TCAIM: variants seen among roughly 807,000 people sequenced by gnomAD.
TCAIM encodes T cell activation inhibitor, mitochondrial.
A neutral mutation model predicts 58.6 loss-of-function variants in TCAIM; 36 were observed. That is an observed-to-expected ratio of 0.61 (90% CI 0.47 to 0.81). The LOEUF is 0.81. Among genes scored for constraint, TCAIM ranks in the 30% least tolerant of loss-of-function variants. TCAIM has a pLI of 0.00. For synonymous variants in TCAIM, 172 were observed against 193.6 expected, an observed-to-expected ratio of 0.89 and a Z score of 0.93; for missense variants, 466 against 579.6, an observed-to-expected ratio of 0.80 and a Z score of 2.01.
At chr3:44,365,185 GC>G (rs1701354530) in intron 4 of TCAIM, among the ~76,000 whole-genome samples, 1 of 152,044 alleles carries the variant, frequency 6.6e-6, no homozygotes, top group Non-Finnish European at 1.5e-5. Context: ...TAATTCCCTT[GC>G]CAGTAGTTCT....
chr3:44,390,477 G>T (rs1486215874), intron 5 of TCAIM, among the ~76,000 whole-genome samples: 1 of 152,138 alleles, frequency 6.6e-6, no homozygotes, highest in East Asian at 1.9e-4. Context: ...TAAAAAATTA[G>T]GTGGGCATGG....
chr3:44,360,641 CA>C (rs1396448542), intron 3 of TCAIM, among the ~76,000 whole-genome samples: 2 of 150,366 alleles, frequency 1.3e-5, no homozygotes, highest in African/African-American at 4.9e-5. Context: ...CTTGCTCTGT[CA>C]CCCAGGCGGG....
At chr3:44,354,284 C>A (rs1320696100) in intron 1 of TCAIM, among the ~76,000 whole-genome samples, 1 of 152,184 alleles carries the variant, frequency 6.6e-6, no homozygotes, top group African/African-American at 2.4e-5. Flanking sequence ...TTCATTCTTT[C>A]ACCAACACCG....
chr3:44,381,146 C>A (rs942866909), intron 5 of TCAIM, among the ~76,000 whole-genome samples: 1 of 152,062 alleles, frequency 6.6e-6, no homozygotes, highest in Non-Finnish European at 1.5e-5. Flanking sequence ...TAAAGGCAGA[C>A]AAAGACACTA....
intron 1 of TCAIM, among the ~76,000 whole-genome samples, chr3:44,345,512 C>G (rs889877916): frequency 6.6e-6 from 1 of 152,110 alleles, no homozygotes; most frequent in African/African-American, 2.4e-5. Context: ...CAACACTCTT[C>G]GTTTAATATA....
intron 1 of TCAIM, among the ~76,000 whole-genome samples, chr3:44,351,857 C>T (rs558819734): frequency 3.3e-5 from 5 of 152,182 alleles, no homozygotes; most frequent in African/African-American, 1.2e-4. Flanking sequence ...ACTCTTGCCA[C>T]ATCAGTCAAC....
In TCAIM at chr3:44,386,209, CAAAAAAAAA is replaced by C. The variant is rs10576012; in HGVS notation, c.573-6631_573-6623del. ...GCCTGGGCAATAGAGCCAGAAGCTCCAAAAAAAAAAAAAAAAAAAAAAACACTTTAAAAT... is the reference window on the plus strand; with the variant it reads ...GCCTGGGCAATAGAGCCAGAAGCTCCAAAAAAAAAAAAAACACTTTAAAAT... On this transcript the variant is annotated intron_variant, in intron 5 of 10. Coordinates refer to ENST00000342649, the MANE Select transcript of TCAIM (RefSeq NM_173826.4). Among the ~76,000 whole-genome samples, 84 of 54,984 alleles carry C rather than the reference CAAAAAAAAA, an allele frequency of 1.5e-3. 1 individual carries two copies. In the East Asian group the frequency reaches 0.046, roughly 30 times the overall value. The allele number at this position is 54,984 out of a possible 152,430, so 36.1% of individuals were successfully genotyped here.
intron 6 of TCAIM, among the ~76,000 whole-genome samples, chr3:44,395,538 G>A (rs1701919825): frequency 6.6e-6 from 1 of 152,206 alleles, no homozygotes; most frequent in Non-Finnish European, 1.5e-5. Context: ...TGGGTTTTCT[G>A]ACAGCACTCG....
At chr3:44,357,918 G>T (rs777289588) in intron 3 of TCAIM, 42 bp downstream of exon 3, 1 of 1,598,740 alleles carries the variant, frequency 6.3e-7, no homozygotes, top group Non-Finnish European at 8.5e-7. Context: ...GTACATTTCT[G>T]CTTATTTACC....
chr3:44,347,029 G>A (rs1199051960), intron 1 of TCAIM, among the ~76,000 whole-genome samples: 1 of 152,170 alleles, frequency 6.6e-6, no homozygotes, highest in Non-Finnish European at 1.5e-5. Context: ...GTAAAACTAG[G>A]TATCCAAAGG....
At chr3:44,339,386 A>G (rs992511866) in intron 1 of TCAIM, among the ~76,000 whole-genome samples, 3 of 152,214 alleles carry the variant, frequency 2.0e-5, no homozygotes, top group Non-Finnish European at 2.9e-5. Context: ...CAAATGGTCA[A>G]AGCTCAATCC....
At chr3:44,358,180 TATC>T (rs771276388) in intron 3 of TCAIM, 5 of 1,558,444 alleles carry the variant, frequency 3.2e-6, no homozygotes, top group South Asian at 1.2e-5. Context: ...AGACCTTTAT[TATC>T]ATGATCAATC....
intron 1 of TCAIM, among the ~76,000 whole-genome samples, chr3:44,347,917 T>C (rs1430357272): frequency 6.6e-6 from 1 of 151,902 alleles, no homozygotes; most frequent in African/African-American, 2.4e-5. Flanking sequence ...GGCTTTGAAC[T>C]GGGGGAAAGG....
At chr3:44,363,318 T>C (rs1055488025) in intron 4 of TCAIM, among the ~76,000 whole-genome samples, 1 of 152,226 alleles carries the variant, frequency 6.6e-6, no homozygotes, top group Non-Finnish European at 1.5e-5. Context: ...ATATTGTAAT[T>C]AATCATTTTT....
At chr3:44,387,337 T>C (rs1275283186) in intron 5 of TCAIM, among the ~76,000 whole-genome samples, 1 of 152,194 alleles carries the variant, frequency 6.6e-6, no homozygotes, top group Non-Finnish European at 1.5e-5. Flanking sequence ...TTCCTGGACA[T>C]GGGACAAGAA....
At position 44,354,756 on chromosome 3, in the gene TCAIM, G is replaced by T. The variant is rs531864716; in HGVS notation, c.-27G>T. ...CTTTTAAGCAATTAATGGATGCCTC[G>T]AAGTTGACGTACATATATATTCAGA... On this transcript the variant is annotated 5_prime_UTR_variant, in exon 2 of 11. Transcript: ENST00000342649. 4 of 1,601,086 alleles carry T rather than the reference G, an allele frequency of 2.5e-6. No homozygotes were observed. The Admixed American group carries it at 7.1e-5, about 29-fold the overall frequency.
At chr3:44,354,679 C>T (rs1025556770) in intron 1 of TCAIM, 60 bp from the exon 2 acceptor site, 1 of 1,161,364 alleles carries the variant, frequency 8.6e-7, no homozygotes, top group Admixed American at 2.4e-5. Flanking sequence ...ATATAAATCG[C>T]AATGTGTTTT....
chr3:44,368,043 ACC>A (rs1393862335), intron 5 of TCAIM, among the ~76,000 whole-genome samples: 2 of 152,188 alleles, frequency 1.3e-5, no homozygotes, highest in Non-Finnish European at 2.9e-5. Context: ...GAAAGGCTAT[ACC>A]TAAGACTATA....
At chr3:44,385,757 T>C (rs1701729374) in intron 5 of TCAIM, among the ~76,000 whole-genome samples, 1 of 151,210 alleles carries the variant, frequency 6.6e-6, no homozygotes, top group Admixed American at 6.6e-5. Context: ...ACAAAAAAAA[T>C]CTGAAAATTT....
Sources: gnomAD v4.1 joint callset for allele counts (sites outside exome capture counted in the v4.1 genomes callset) on GRCh38, gnomAD v4.1.1 for gene constraint, MANE v1.5 for transcripts, NCBI Gene and HGNC (gene_info 2026-07-23, HGNC 2026-07-21) for gene names.